The following CSPG4 variants were observed in gnomAD, a reference collection of about 807,000 sequenced individuals.
The protein encoded by CSPG4 is chondroitin sulfate proteoglycan 4.
Under a neutral mutation model 139.3 loss-of-function variants are expected in CSPG4, and 74 were observed. That is an observed-to-expected ratio of 0.53 (90% CI 0.44 to 0.64). The LOEUF is 0.64. Among genes scored for constraint, CSPG4 ranks in the 30% least tolerant of loss-of-function variants. CSPG4 has a pLI of 0.00. For missense variants in CSPG4, 2,565 were observed against 3,148.3 expected, an observed-to-expected ratio of 0.81 and a Z score of 4.43; for synonymous variants, 1,234 against 1,394.2, an observed-to-expected ratio of 0.89 and a Z score of 2.56.
intron 1 of CSPG4, among the ~76,000 whole-genome samples, chr15:75,694,061 GCCAAGGAA>G (rs1474990047): frequency 6.6e-6 from 1 of 152,238 alleles, no homozygotes; most frequent in African/African-American, 2.4e-5. Flanking sequence ...TTCCACCGTG[GCCAAGGAA>G]CCAGGGATGA....
At chr15:75,704,541 G>A (rs1894344929) in intron 1 of CSPG4, among the ~76,000 whole-genome samples, 1 of 152,214 alleles carries the variant, frequency 6.6e-6, no homozygotes, top group Non-Finnish European at 1.5e-5. Context: ...GGCCTGGCCG[G>A]GCCCTGTCCA....
In CSPG4 at chr15:75,675,202, A is replaced by G. The variant is rs532331924; in HGVS notation, c.*348T>C. On this transcript the variant is annotated 3_prime_UTR_variant, in exon 10 of 10. Coordinates refer to ENST00000308508, the MANE Select transcript of CSPG4 (RefSeq NM_001897.5). ...CTCTTAGCAGCCTGGGTCAGGCGCGACTTACCCAAGGTCACAGACCCAGGA... is the reference window on the plus strand; with the variant it reads ...CTCTTAGCAGCCTGGGTCAGGCGCGGCTTACCCAAGGTCACAGACCCAGGA... 3.7e-5 allele frequency: 11 copies of G among 294,482 alleles called. 1 individual carries two copies. The East Asian group carries it at 5.5e-4, about 15-fold the overall frequency. 18.2% of individuals were successfully genotyped at this position (294,482 alleles called of 1,614,324 possible). A position where few individuals can be genotyped will look rare whatever the true frequency, so the allele number is the denominator to read the frequency against.
Position 75,682,466 on chromosome 15 carries a change from GAGGCAAA to G in CSPG4, c.4784-14_4784-8del. On this transcript the variant is annotated splice_polypyrimidine_tract_variant and splice_region_variant and intron_variant, in intron 7 of 9. Transcript: ENST00000308508. Reference sequence around the variant, plus strand: ...CTGAGTGGCTGGACGGACCCTGCCAGAGGCAAAAGGGGATATCAGATTTTGACTGGGA... The same window carrying G: ...CTGAGTGGCTGGACGGACCCTGCCAGAGGGGATATCAGATTTTGACTGGGA... 1 of 1,575,028 alleles carries G rather than the reference GAGGCAAA, an allele frequency of 6.3e-7. No homozygotes were observed. Among genetic ancestry groups the G allele is most frequent in the African/African-American group, 1.3e-5 (1 of 74,528 alleles).
At position 75,688,224 on chromosome 15, in the gene CSPG4, C is replaced by G; in HGVS notation, c.2841G>C (p.Trp947Cys). Residue 947 changes from tryptophan to cysteine, a missense_variant, in exon 3 of 10, where the codon TGG becomes TGC. Physicochemically the swap from Trp to Cys is radical, Grantham distance 215 (BLOSUM62 -2). Transcript: ENST00000308508. ...MERPRHGRLA[W>C]RGTQDKTTMV... ...TAGTGGTCTTGTCCTGTGTCCCACG[C>G]CAAGCCAACCTCCCATGGCGGGGCC... 6.2e-7 allele frequency: 1 copy of G among 1,612,958 alleles called. No individual in the cohort carries two copies. Among genetic ancestry groups the G allele is most frequent in the Non-Finnish European group, 8.5e-7 (1 of 1,179,926 alleles).
In CSPG4 at chr15:75,674,642, T is replaced by G. The variant is rs1893863341; in HGVS notation, c.*908A>C. The G allele has an allele frequency of 5.0e-6, 2 of 398,872 alleles. No individual in the cohort carries two copies. The highest frequency in any genetic ancestry group is 1.3e-4 in the South Asian group (1 of 7,812). The allele number at this position is 398,872 out of a possible 1,614,324, so 24.7% of individuals were successfully genotyped here. Reference sequence around the variant, plus strand: ...CAGCTGTCCAGAGCCTCCAAAGCACTGTTTATCCAGGCTCCATGGAACCAA... The same window carrying G: ...CAGCTGTCCAGAGCCTCCAAAGCACGGTTTATCCAGGCTCCATGGAACCAA... On this transcript the variant is annotated 3_prime_UTR_variant, in exon 10 of 10. Transcript: ENST00000308508.
intron 8 of CSPG4, among the ~76,000 whole-genome samples, chr15:75,678,273 TC>T (rs758010382): frequency 6.6e-6 from 1 of 152,148 alleles, no homozygotes; most frequent in Non-Finnish European, 1.5e-5. Flanking sequence ...TGGTGTCAGT[TC>T]CCCCCAGATG....
chr15:75,676,808 A>C lies in CSPG4; in HGVS notation c.5711T>G (p.Leu1904Arg). The C allele has an allele frequency of 6.5e-7, 1 of 1,544,964 alleles. No homozygotes were observed. The highest frequency in any genetic ancestry group is 1.2e-5 in the South Asian group (1 of 81,894). Reference sequence around the variant, plus strand: ...GCTGCTCCCGTTGGCCACGAAGGCCAGCCGCCCTGAATCCACATCGGCTTG... The same window carrying C: ...GCTGCTCCCGTTGGCCACGAAGGCCCGCCGCCCTGAATCCACATCGGCTTG... Reference protein sequence around the residue: ...FTQADVDSGRLAFVANGSSVA... With the variant: ...FTQADVDSGRRAFVANGSSVA... The change falls in exon 10 of 10, where the codon CTG becomes CGG. Residue 1904 changes from leucine (L) to arginine (R), a missense_variant. Leu to Arg is a moderately radical substitution (Grantham distance 102). Transcript: ENST00000308508.
rs943506951 is a variant in CSPG4, at chr15:75,687,575, C to A, written c.3490G>T (p.Val1164Phe). ...GGGCCAGCTGTGACGTGGTAGTGGA[C>A]CTCATCCCCACTGCGGATGTCGAGG... The part of the protein sequence containing the change: ...TNLDIRSGDE[V>F]HYHVTAGPRW... Residue 1164 changes from valine (V) to phenylalanine (F), a missense_variant, in exon 3 of 10, where the codon GTC (valine) becomes TTC (phenylalanine). Around this residue, in one of 5 missense-constraint regions of CSPG4, gnomAD observed 2,316 missense variants for 2,818.2 expected, o/e 0.82. Transcript: ENST00000308508. This position sits in a 1 kb window ranked among gnomAD's most constrained non-coding sequence, Gnocchi z 5.4. The A allele has an allele frequency of 3.7e-6, 6 of 1,610,434 alleles. No homozygotes were observed. Among genetic ancestry groups the A allele is most frequent in the Middle Eastern group, 1.7e-4 (1 of 6,056 alleles).
At chr15:75,702,884 C>G (rs1415686580) in intron 1 of CSPG4, among the ~76,000 whole-genome samples, 1 of 149,956 alleles carries the variant, frequency 6.7e-6, no homozygotes. Flanking sequence ...GGGGCCATTC[C>G]CAGGCCCCCC....
rs753101862 is a variant in CSPG4 at position 75,689,327 on chromosome 15, C to G, written c.1738G>C (p.Ala580Pro). 6.2e-7 allele frequency: 1 copy of G among 1,611,210 alleles called. No individual in the cohort carries two copies. Among genetic ancestry groups the G allele is most frequent in the Admixed American group, 1.7e-5 (1 of 60,014 alleles). Residue 580 changes from alanine (A) to proline (P), a missense_variant, in exon 3 of 10, where the codon GCC becomes CCC. Transcript: ENST00000308508. ...QKPLGPEVFQ[A>P]YDPDSACEGL... ...TCACAGGCAGAGTCCGGGTCATAGG[C>G]CTGGAAAACCTCAGGCCCCAGCGGC...
rs371389530 is a variant in CSPG4 at position 75,676,545 on chromosome 15, C to A, written c.5974G>T (p.Val1992Leu). 22 of 1,613,644 alleles carry A rather than the reference C, an allele frequency of 1.4e-5. No individual in the cohort carries two copies. Among genetic ancestry groups the A allele is most frequent in the Non-Finnish European group, 1.9e-5 (22 of 1,179,982 alleles). Residue 1992 changes from valine (V) to leucine (L), a missense_variant, in exon 10 of 10, where the codon GTG becomes TTG. Coordinates refer to ENST00000308508, the MANE Select transcript of CSPG4 (RefSeq NM_001897.5). ...IQGPQYGHLL[V>L]GGRPTSAFSQ... ...AAGGCCGAGGTGGGCCGCCCGCCCA[C>A]CAGGAGATGCCCATACTGGGGTCCC...
chr15:75,704,020 G>C (rs1419489717), intron 1 of CSPG4, among the ~76,000 whole-genome samples: 2 of 107,040 alleles, frequency 1.9e-5, no homozygotes, highest in South Asian at 2.6e-4. Flanking sequence ...CTCTCATCCC[G>C]GGGGGAGCCC....
At chr15:75,700,810 G>T (rs1301791213) in intron 1 of CSPG4, among the ~76,000 whole-genome samples, 1 of 152,190 alleles carries the variant, frequency 6.6e-6, no homozygotes, top group Admixed American at 6.5e-5. Flanking sequence ...GAAGAACAGA[G>T]GAAATGGTGA....
Position 75,696,081 on chromosome 15 carries a change from C to T in CSPG4, c.89-2848G>A, listed in dbSNP as rs1290125525. ...CCCATGATTCATCAAAACAGCAGAC[C>T]AAACCTGTAGCAGCCCCATGGGCTG... On this transcript the variant is annotated intron_variant, in intron 1 of 9. Coordinates refer to ENST00000308508, the MANE Select transcript of CSPG4 (RefSeq NM_001897.5). The surrounding 1 kb of genome is among the most constrained non-coding windows in gnomAD (Gnocchi z 4.2). Among the ~76,000 whole-genome samples, 2 of 152,148 alleles carry T rather than the reference C, an allele frequency of 1.3e-5. No homozygotes were observed. The highest frequency in any genetic ancestry group is 4.8e-5 in the African/African-American group (2 of 41,432).
chr15:75,684,617 C>A, intron 5 of CSPG4, 119 bp downstream of exon 5: 1 of 900,798 alleles, frequency 1.1e-6, no homozygotes, highest in Non-Finnish European at 1.7e-6. Flanking sequence ...GTGGCAGCGT[C>A]CCCATTTTGC....
Position 75,712,844 on chromosome 15 carries a change from G to T in CSPG4, c.-89C>A. ...TGGAGCGAGCGCGGCTCTGCTCCTG[G>T]GCGCGGGCCGGCTCCGGGTGTCCGC... is the stretch of plus-strand genomic sequence containing the variant. On this transcript the variant is annotated 5_prime_UTR_variant, in exon 1 of 10. Coordinates refer to ENST00000308508, the MANE Select transcript of CSPG4 (RefSeq NM_001897.5). 1.8e-6 allele frequency: 2 copies of T among 1,135,512 alleles called. No individual in the cohort carries two copies. Among genetic ancestry groups the T allele is most frequent in the Non-Finnish European group, 1.2e-6 (1 of 835,340 alleles). 70.3% of individuals were successfully genotyped at this position (1,135,512 alleles called of 1,614,324 possible).
Position 75,685,415 on chromosome 15 carries a change from G to A in CSPG4, c.4076C>T (p.Pro1359Leu). 3 of 1,612,084 alleles carry A rather than the reference G, an allele frequency of 1.9e-6. No homozygotes were observed. The highest frequency in any genetic ancestry group is 2.2e-5 in the South Asian group (2 of 90,954). ...GACGCTGAAGTTTTGCGCCTCTAGT[G>A]GGATGGCAGCGGGCAGCACCTCCAG... ...VELEVLPAAI[P>L]LEAQNFSVPE... The change falls in exon 4 of 10, where the codon CCA (proline) becomes CTA (leucine). Residue 1359 changes from proline to leucine, a missense_variant. By Grantham distance (98) the Pro-to-Leu change is moderately conservative (BLOSUM62 -3). Transcript: ENST00000308508.
At chr15:75,692,022 C>A (rs1014220448) in intron 2 of CSPG4, among the ~76,000 whole-genome samples, 1 of 152,142 alleles carries the variant, frequency 6.6e-6, no homozygotes, top group Non-Finnish European at 1.5e-5. Context: ...GTTCTTGTTG[C>A]CCAGGCTGAA....
At chr15:75,707,203 T>C (rs1894385747) in intron 1 of CSPG4, among the ~76,000 whole-genome samples, 1 of 152,070 alleles carries the variant, frequency 6.6e-6, no homozygotes, top group Non-Finnish European at 1.5e-5. Context: ...GTGACCTGCC[T>C]GCCTCAGCCT....
Sources: gnomAD v4.1 joint callset for allele counts (sites outside exome capture counted in the v4.1 genomes callset) on GRCh38, gnomAD v4.1.1 for gene constraint, gnomAD v4.1.1 regional missense constraint, Gnocchi (gnomAD v3.1) non-coding constraint, MANE v1.5 for transcripts, NCBI Gene and HGNC (gene_info 2026-07-23, HGNC 2026-07-21) for gene names.